GALNTL6: variants seen among roughly 807,000 people sequenced by gnomAD.
GALNTL6 encodes polypeptide N-acetylgalactosaminyltransferase-like 6.
GALNTL6 carries 46 observed loss-of-function variants against 73.7 expected under a neutral mutation model. That is an observed-to-expected ratio of 0.62 (90% CI 0.49 to 0.80). GALNTL6 has a LOEUF of 0.80. Ranked by LOEUF, GALNTL6 falls within the 30% of genes least tolerant of loss-of-function variation. The probability of loss-of-function intolerance (pLI) is 0.00; values close to 1 mark genes in which losing one functional copy is unlikely to be tolerated. For synonymous variants in GALNTL6, 259 were observed against 263.7 expected (o/e 0.98, Z 0.17); for missense variants, 604 against 755.0 (o/e 0.80, Z 2.34).
At chr4:172,125,826 G>C (rs973124733) in intron 2 of GALNTL6, among the ~76,000 whole-genome samples, 5 of 150,730 alleles carry the variant, frequency 3.3e-5, no homozygotes, top group Admixed American at 2.7e-4. Flanking sequence ...CTACTAACTG[G>C]TTCCTCTCCA....
chr4:171,971,775 G>A (rs185618563), intron 2 of GALNTL6, among the ~76,000 whole-genome samples: 3 of 152,156 alleles, frequency 2.0e-5, no homozygotes, highest in East Asian at 3.9e-4. Context: ...TTGTTTTGTT[G>A]GATAACAAAC....
At chr4:172,417,009 A>C (rs1730859155) in intron 5 of GALNTL6, among the ~76,000 whole-genome samples, 3 of 152,192 alleles carry the variant, frequency 2.0e-5, no homozygotes, top group Admixed American at 2.0e-4. Context: ...TTATAATTTC[A>C]TGAATAAAAA....
chr4:172,539,471 G>C (rs187490841), intron 5 of GALNTL6, among the ~76,000 whole-genome samples: 181 of 152,230 alleles, frequency 1.2e-3, no homozygotes, highest in Middle Eastern at 6.8e-3. Flanking sequence ...CTCCACTGAA[G>C]GGGGGAAGAT....
At chr4:172,091,011 T>C (rs1001776302) in intron 2 of GALNTL6, among the ~76,000 whole-genome samples, 1 of 152,128 alleles carries the variant, frequency 6.6e-6, no homozygotes. Context: ...TGTAGACTTG[T>C]GGTGTAATTT....
chr4:172,808,875 G>A (rs1299224449), intron 5 of GALNTL6, among the ~76,000 whole-genome samples: 1 of 152,074 alleles, frequency 6.6e-6, no homozygotes, highest in Non-Finnish European at 1.5e-5. Flanking sequence ...TAACTTCTGG[G>A]GGAAAAAATC....
At position 172,782,795 on chromosome 4, in the gene GALNTL6, A is replaced by T. The variant is rs182270123; in HGVS notation, c.554-26566A>T. 1.6e-4 allele frequency among the ~76,000 whole-genome samples: 24 copies of T among 152,228 alleles called. No individual in the cohort carries two copies. The East Asian group carries it at 4.5e-3, about 28-fold the overall frequency. Reference sequence around the variant, plus strand: ...TACAGCACAGAAGGAAGAAAAAAGCAATCTTCCAACTGTGGAGATTGAGGA... The same window carrying T: ...TACAGCACAGAAGGAAGAAAAAAGCTATCTTCCAACTGTGGAGATTGAGGA... On this transcript the variant is annotated intron_variant, in intron 5 of 12. Coordinates refer to ENST00000506823, the MANE Select transcript of GALNTL6 (RefSeq NM_001034845.3).
chr4:172,941,344 G>T (rs1748910346), intron 9 of GALNTL6, among the ~76,000 whole-genome samples: 1 of 152,238 alleles, frequency 6.6e-6, no homozygotes, highest in African/African-American at 2.4e-5. Context: ...CCAGATAATT[G>T]CATAATAACA....
At chr4:172,190,763 T>C (rs1159959241) in intron 2 of GALNTL6, among the ~76,000 whole-genome samples, 1 of 152,200 alleles carries the variant, frequency 6.6e-6, no homozygotes, top group African/African-American at 2.4e-5. Flanking sequence ...GAGAGCATGA[T>C]CAGATTTGCA....
At chr4:172,025,238 G>A (rs1741528318) in intron 2 of GALNTL6, among the ~76,000 whole-genome samples, 1 of 152,042 alleles carries the variant, frequency 6.6e-6, no homozygotes, top group South Asian at 2.1e-4. Flanking sequence ...TGAATTGGAT[G>A]TCAAGTATTT....
intron 7 of GALNTL6, among the ~76,000 whole-genome samples, chr4:172,841,355 A>G (rs1025810951): frequency 1.3e-5 from 2 of 152,286 alleles, no homozygotes. Flanking sequence ...AATCAATACT[A>G]TCGTTAATCC....
intron 5 of GALNTL6, among the ~76,000 whole-genome samples, chr4:172,545,114 A>G (rs1457492007): frequency 1.3e-5 from 2 of 152,160 alleles, no homozygotes; most frequent in African/African-American, 4.8e-5. Flanking sequence ...AAATTCTTGC[A>G]TATTGGTAAC....
chr4:172,308,551 A>G (rs1740239516), intron 3 of GALNTL6, among the ~76,000 whole-genome samples: 1 of 151,984 alleles, frequency 6.6e-6, no homozygotes, highest in Non-Finnish European at 1.5e-5. Context: ...GGGATGCTGG[A>G]TTTTGTCAGA....
intron 2 of GALNTL6, among the ~76,000 whole-genome samples, chr4:171,957,162 G>A (rs980199633): frequency 2.6e-5 from 4 of 152,130 alleles, no homozygotes; most frequent in African/African-American, 9.7e-5. Context: ...GAACAGACAA[G>A]GTCTAACCTC....
intron 5 of GALNTL6, among the ~76,000 whole-genome samples, chr4:172,732,067 G>A (rs1211635104): frequency 6.6e-6 from 1 of 152,022 alleles, no homozygotes; most frequent in Non-Finnish European, 1.5e-5. Flanking sequence ...GATCTAGTGT[G>A]TAGTTTCTCT....
At chr4:172,482,840 G>A (rs1439244439) in intron 5 of GALNTL6, among the ~76,000 whole-genome samples, 3 of 152,120 alleles carry the variant, frequency 2.0e-5, no homozygotes, top group Non-Finnish European at 2.9e-5. Context: ...AAAGTACCCA[G>A]CACAAAGTAA....
At chr4:172,586,407 G>A (rs1256182545) in intron 5 of GALNTL6, among the ~76,000 whole-genome samples, 1 of 151,488 alleles carries the variant, frequency 6.6e-6, no homozygotes, top group Non-Finnish European at 1.5e-5. Flanking sequence ...AATAGAAAAG[G>A]TGTCCAAGAC....
intron 5 of GALNTL6, among the ~76,000 whole-genome samples, chr4:172,467,650 C>T (rs10030296): frequency 0.05 from 7,587 of 152,056 alleles, 581 homozygotes; most frequent in African/African-American, 0.17. Context: ...TAAGACTAGC[C>T]CACATTTAAG....
chr4:173,030,837 C>CAAA (rs34361684), intron 12 of GALNTL6, among the ~76,000 whole-genome samples: 5 of 111,914 alleles, frequency 4.5e-5, no homozygotes, highest in African/African-American at 9.4e-5. Flanking sequence ...CTGTCTCTAC[C>CAAA]AAAAAAAAAA....
At chr4:172,886,673 G>A (rs892118424) in intron 8 of GALNTL6, among the ~76,000 whole-genome samples, 63 of 152,016 alleles carry the variant, frequency 4.1e-4, no homozygotes, top group African/African-American at 1.5e-3. Context: ...TGAGACAGGA[G>A]AATTGCTTGA....
Sources: allele counts gnomAD v4.1 joint callset (sites outside exome capture counted in the v4.1 genomes callset), GRCh38; gene constraint gnomAD v4.1.1; transcripts MANE v1.5; gene names NCBI Gene and HGNC (gene_info 2026-07-23, HGNC 2026-07-21).